ELMO1: variants seen among roughly 807,000 people sequenced by gnomAD.
The protein encoded by ELMO1 is engulfment and cell motility 1.
ELMO1 carries 26 observed loss-of-function variants against 98.9 expected under a neutral mutation model. The observed-to-expected ratio is 0.26, with a 90% CI of 0.19 to 0.36. The LOEUF (loss-of-function observed/expected upper bound fraction) is 0.36, where lower values mean the gene tolerates loss of function less well. Among genes scored for constraint, ELMO1 ranks in the 10% least tolerant of loss-of-function variants. The probability of loss-of-function intolerance (pLI) is 1.00; values close to 1 mark genes in which losing one functional copy is unlikely to be tolerated. For synonymous variants in ELMO1, 346 were observed against 346.0 expected, an observed-to-expected ratio of 1.00 and a Z score of 0.00; for missense variants, 627 against 935.2, an observed-to-expected ratio of 0.67 and a Z score of 4.30.
At chr7:37,305,403 A>T (rs1798559260) in intron 4 of ELMO1, among the ~76,000 whole-genome samples, 1 of 151,920 alleles carries the variant, frequency 6.6e-6, no homozygotes. Flanking sequence ...TTTCCCTTGT[A>T]TCTTTTAAGA....
intron 16 of ELMO1, among the ~76,000 whole-genome samples, chr7:36,940,933 A>G (rs1786980892): frequency 6.6e-6 from 1 of 152,240 alleles, no homozygotes; most frequent in Non-Finnish European, 1.5e-5. Flanking sequence ...AGAGGCACAG[A>G]TAGTGTGATA....
At chr7:36,920,485 A>G (rs544930215) in intron 16 of ELMO1, among the ~76,000 whole-genome samples, 2 of 152,332 alleles carry the variant, frequency 1.3e-5, no homozygotes, top group South Asian at 4.1e-4. Context: ...GTTAATCACA[A>G]CATGGTTTTT....
At chr7:36,949,664 C>T (rs1175186333) in intron 16 of ELMO1, among the ~76,000 whole-genome samples, 1 of 152,050 alleles carries the variant, frequency 6.6e-6, no homozygotes, top group Non-Finnish European at 1.5e-5. Context: ...GGCCCCCCAC[C>T]CCCAACCAAA....
intron 18 of ELMO1, among the ~76,000 whole-genome samples, chr7:36,881,642 T>A (rs1804469073): frequency 6.6e-6 from 1 of 152,154 alleles, no homozygotes; most frequent in Admixed American, 6.5e-5. Flanking sequence ...AATTTCGTGT[T>A]TCAATCTTTT....
intron 15 of ELMO1, among the ~76,000 whole-genome samples, chr7:37,086,743 CAAAAAA>C (rs755237121): frequency 8.2e-5 from 4 of 48,808 alleles, no homozygotes; most frequent in Non-Finnish European, 1.8e-4. Flanking sequence ...ATCCTGTCTC[CAAAAAA>C]AAAAAAAAAA....
At position 37,342,190 on chromosome 7, in the gene ELMO1, A is replaced by C. The variant is rs1800754438; in HGVS notation, c.78+423T>G. On this transcript the variant is annotated intron_variant, in intron 2 of 21. Transcript: ENST00000310758. This position sits in a 1 kb window ranked among gnomAD's most constrained non-coding sequence, Gnocchi z 4.3. ...TTCATTACAAAGCTATTAATATAAC[A>C]AAGTACCAATGCATTTGGCTGCTTC... Among the ~76,000 whole-genome samples, 1 of 152,212 alleles carries C rather than the reference A, an allele frequency of 6.6e-6. No individual in the cohort carries two copies. Among genetic ancestry groups the C allele is most frequent in the Non-Finnish European group, 1.5e-5 (1 of 68,032 alleles).
In ELMO1 at chr7:36,921,140, T is replaced by C. The variant is rs1022949813; in HGVS notation, c.1438-26123A>G. Among the ~76,000 whole-genome samples, 3 of 152,294 alleles carry C rather than the reference T, an allele frequency of 2.0e-5. No homozygotes were observed. The South Asian group carries it at 6.2e-4, about 32-fold the overall frequency. On this transcript the variant is annotated intron_variant, in intron 16 of 21. Coordinates refer to ENST00000310758, the MANE Select transcript of ELMO1 (RefSeq NM_014800.11). ...GGCACCACATTTGCTGGTGCCTTGA[T>C]TTTGGACTTCCCAGCCTCCAGAACT...
chr7:37,172,246 T>C (rs1790213854), intron 13 of ELMO1, among the ~76,000 whole-genome samples: 2 of 151,566 alleles, frequency 1.3e-5, no homozygotes, highest in Admixed American at 6.6e-5. Flanking sequence ...TCGTTGAAAA[T>C]CGCTGTTCTC....
intron 16 of ELMO1, among the ~76,000 whole-genome samples, chr7:36,906,900 T>G (rs1388320251): frequency 6.6e-6 from 1 of 152,198 alleles, no homozygotes; most frequent in Admixed American, 6.5e-5. Context: ...TGCACACCGT[T>G]TCTTTGCTTT....
intron 4 of ELMO1, among the ~76,000 whole-genome samples, chr7:37,281,656 T>C (rs958264664): frequency 1.3e-5 from 2 of 152,230 alleles, no homozygotes; most frequent in Admixed American, 6.5e-5. Context: ...GCATTTTTAC[T>C]ATGATCCCAA....
intron 1 of ELMO1, among the ~76,000 whole-genome samples, chr7:37,350,072 G>T (rs541157467): frequency 6.6e-5 from 10 of 152,134 alleles, no homozygotes; most frequent in Non-Finnish European, 1.5e-4. Context: ...GGATGGATGG[G>T]TATATGGTGG....
At chr7:37,075,391 G>A (rs539331026) in intron 15 of ELMO1, among the ~76,000 whole-genome samples, 19 of 150,238 alleles carry the variant, frequency 1.3e-4, no homozygotes, top group African/African-American at 4.4e-4. Flanking sequence ...TCCTGACCTC[G>A]TGATCCACCC....
chr7:37,155,919 TG>T (rs1388288341), intron 13 of ELMO1, among the ~76,000 whole-genome samples: 2 of 152,150 alleles, frequency 1.3e-5, no homozygotes, highest in African/African-American at 4.8e-5. Context: ...ACCACATAAT[TG>T]GAAGTAAAAC....
At chr7:36,891,931 T>A (rs890375116) in intron 17 of ELMO1, among the ~76,000 whole-genome samples, 6 of 152,210 alleles carry the variant, frequency 3.9e-5, no homozygotes, top group African/African-American at 1.4e-4. Flanking sequence ...CTATTCAAGC[T>A]TTTTATATCC....
intron 15 of ELMO1, among the ~76,000 whole-genome samples, chr7:37,087,614 C>T (rs1236290219): frequency 1.3e-5 from 2 of 152,132 alleles, no homozygotes; most frequent in Admixed American, 6.5e-5. Flanking sequence ...TTTTCAAGCT[C>T]CTCTTGCTTC....
intron 14 of ELMO1, among the ~76,000 whole-genome samples, chr7:37,123,774 C>T (rs1786277439): frequency 6.6e-6 from 1 of 152,220 alleles, no homozygotes; most frequent in African/African-American, 2.4e-5. Context: ...GGAATCCTCC[C>T]TATCTCATTT....
chr7:37,090,910 A>T (rs1784046197), intron 15 of ELMO1, among the ~76,000 whole-genome samples: 1 of 152,188 alleles, frequency 6.6e-6, no homozygotes, highest in African/African-American at 2.4e-5. Flanking sequence ...GTCCACAGTG[A>T]CCCTGATCCT....
In ELMO1 at chr7:36,853,020, C is replaced by T. The variant is rs1801959638; in HGVS notation, c.*2531G>A. On this transcript the variant is annotated 3_prime_UTR_variant, in exon 22 of 22. Transcript: ENST00000310758. The stretch of plus-strand genomic sequence containing the variant: ...TTCTGCCTTGGATTTGGCTGAGTTG[C>T]CCAGGCTTAGGAAACTGCAGGCAAC... Among the ~76,000 whole-genome samples, 1 of 152,188 alleles carries T rather than the reference C, an allele frequency of 6.6e-6. No homozygotes were observed. The highest frequency in any genetic ancestry group is 2.1e-4 in the South Asian group (1 of 4,826).
In ELMO1 at chr7:37,413,799, G is replaced by A. The variant is rs528507773; in HGVS notation, c.-74+34876C>T. 7.2e-4 allele frequency among the ~76,000 whole-genome samples: 110 copies of A among 152,068 alleles called. 1 individual carries two copies. The highest frequency in any genetic ancestry group is 2.4e-3 in the Admixed American group (37 of 15,282). On this transcript the variant is annotated intron_variant, in intron 1 of 21. Transcript: ENST00000310758. The stretch of plus-strand genomic sequence containing the variant: ...TTCAAGCAATTCTTGTGCCTCCGCC[G>A]CCCAAATAGCGGGGATTACAGGCGC...
Sources: allele counts gnomAD v4.1 joint callset (sites outside exome capture counted in the v4.1 genomes callset), GRCh38; gene constraint gnomAD v4.1.1; non-coding constraint Gnocchi (gnomAD v3.1); transcripts MANE v1.5; gene names NCBI Gene and HGNC (gene_info 2026-07-23, HGNC 2026-07-21).